Variants in F8 observed in about 807,000 individuals in gnomAD.
F8 encodes the protein antihemophilic factor.
F8 carries 12 observed loss-of-function variants against 140.6 expected under a neutral mutation model. That is an observed-to-expected ratio of 0.09 (90% CI 0.05 to 0.14). F8 has a LOEUF of 0.14. Among genes scored for constraint, F8 ranks in the 10% least tolerant of loss-of-function variants. The probability of loss-of-function intolerance (pLI) is 1.00; values close to 1 mark genes in which losing one functional copy is unlikely to be tolerated. For synonymous variants in F8, 585 were observed against 614.6 expected (o/e 0.95, Z 0.71); for missense variants, 1,354 against 1,720.7 (o/e 0.79, Z 3.77).
chrX:154,987,466 G>A (rs1413880454), intron 4 of F8, among the ~76,000 whole-genome samples, 161 bp from the exon 5 acceptor site: 1 of 112,378 alleles, frequency 8.9e-6, no homozygotes, highest in Non-Finnish European at 1.9e-5. Context: ...TCCTATAGCA[G>A]TGTTTCTAAA....
At chrX:154,945,561 C>T (rs1012886096) in intron 13 of F8, among the ~76,000 whole-genome samples, 1 of 111,717 alleles carries the variant, frequency 9.0e-6, no homozygotes, top group Non-Finnish European at 1.9e-5. Flanking sequence ...CATGAGAAAA[C>T]TCTAAACAAA....
intron 18 of F8, among the ~76,000 whole-genome samples, chrX:154,902,734 A>G (rs1249326424): frequency 8.9e-6 from 1 of 112,000 alleles, no homozygotes; most frequent in Non-Finnish European, 1.9e-5. Flanking sequence ...TGCAGGAGAA[A>G]GAGTCAACAA....
At chrX:154,934,966 C>T (rs1412083341) in intron 13 of F8, among the ~76,000 whole-genome samples, 3 of 110,344 alleles carry the variant, frequency 2.7e-5, no homozygotes, top group Non-Finnish European at 5.7e-5. Context: ...AGTTCAAGAC[C>T]AGCCTGGGCA....
intron 13 of F8, among the ~76,000 whole-genome samples, chrX:154,941,735 ACCTATTC>A (rs200695992): frequency 0.4 from 42,225 of 104,710 alleles, 7,905 homozygotes; most frequent in East Asian, 0.69. Context: ...ACCACACCAC[ACCTATTC>A]CAAAATTGAC....
chrX:155,019,650 C>T (rs1165110978), intron 1 of F8, among the ~76,000 whole-genome samples: 6 of 110,219 alleles, frequency 5.4e-5, no homozygotes, highest in Non-Finnish European at 5.7e-5. Flanking sequence ...AAAAATTTTC[C>T]GGGCATGGTG....
chrX:154,902,159 C>T lies in F8; in HGVS notation c.6007G>A (p.Glu2003Lys), dbSNP rs1293662855. The change falls in exon 19 of 26, where the codon GAG becomes AAG. Residue 2003 changes from glutamate to lysine, a missense_variant. Physicochemically the swap from Glu to Lys is moderately conservative, Grantham distance 56 (BLOSUM62 1). Around this residue, in one of 4 missense-constraint regions of F8, gnomAD observed 316 missense variants for 485.4 expected, o/e 0.65. Coordinates refer to ENST00000360256, the MANE Select transcript of F8 (RefSeq NM_000132.4). ...TTGGATGGTAACATTTCCACTGTCT[C>T]AAAAACACCTTATAAAAACCAACAG... ...ALYNLYPGVFETVEMLPSKAG... is the reference protein window; with the variant it reads ...ALYNLYPGVFKTVEMLPSKAG... 4.8e-5 allele frequency: 57 copies of T among 1,182,780 alleles called. No individual in the cohort carries two copies. In the Admixed American group the frequency reaches 1.2e-3, roughly 26 times the overall value.
intron 4 of F8, 59 bp from the exon 5 acceptor site, chrX:154,987,364 T>A: frequency 1.0e-6 from 1 of 989,317 alleles, no homozygotes; most frequent in South Asian, 2.0e-5. Context: ...TAGGAAATTG[T>A]CACTAGGAGG....
intron 6 of F8, among the ~76,000 whole-genome samples, chrX:154,970,534 C>T (rs1306155544): frequency 9.0e-6 from 1 of 111,571 alleles, no homozygotes; most frequent in Non-Finnish European, 1.9e-5. Flanking sequence ...AGACTTTTAC[C>T]CACAAAGAAA....
intron 1 of F8, among the ~76,000 whole-genome samples, chrX:155,020,999 C>T (rs782378221): frequency 1.8e-5 from 2 of 111,632 alleles, no homozygotes; most frequent in African/African-American, 3.3e-5. Flanking sequence ...AGTAAAAGCA[C>T]CAGTATGTAA....
chrX:154,895,040 C>T (rs1260576155), intron 22 of F8, among the ~76,000 whole-genome samples: 4 of 111,879 alleles, frequency 3.6e-5, no homozygotes, highest in African/African-American at 1.3e-4. Flanking sequence ...TGGCTTGGTA[C>T]ACAGCAATAG....
At chrX:154,983,502 A>G (rs1367905846) in intron 6 of F8, among the ~76,000 whole-genome samples, 1 of 111,271 alleles carries the variant, frequency 9.0e-6, no homozygotes, top group African/African-American at 3.3e-5. Context: ...GGAGGTGATG[A>G]AGGTGCCAGT....
At chrX:154,996,114 C>G (rs1362056980) in intron 3 of F8, among the ~76,000 whole-genome samples, 2 of 112,206 alleles carry the variant, frequency 1.8e-5, no homozygotes, top group Non-Finnish European at 3.8e-5. Flanking sequence ...GTTTCTCCAC[C>G]AATTTTTGGA....
intron 22 of F8, among the ~76,000 whole-genome samples, chrX:154,892,124 T>C (rs2148582182): frequency 9.0e-6 from 1 of 111,651 alleles, no homozygotes; most frequent in African/African-American, 3.3e-5. Flanking sequence ...TACCACAGCA[T>C]AATAGATCTG....
At chrX:154,944,912 C>T (rs929912529) in intron 13 of F8, among the ~76,000 whole-genome samples, 3 of 110,221 alleles carry the variant, frequency 2.7e-5, no homozygotes, top group Non-Finnish European at 1.9e-5. Context: ...AGTAAACGAT[C>T]GCAAGAACAA....
intron 25 of F8, among the ~76,000 whole-genome samples, chrX:154,851,071 G>A (rs782557113): frequency 7.9e-4 from 88 of 112,055 alleles, no homozygotes; most frequent in African/African-American, 2.7e-3. Context: ...CACTCCTTCT[G>A]CCAGCTTCTG....
intron 1 of F8, among the ~76,000 whole-genome samples, chrX:155,000,590 C>A (rs782120081): frequency 1.8e-5 from 2 of 112,130 alleles, no homozygotes; most frequent in South Asian, 7.4e-4. Context: ...AAGGCTCCTG[C>A]CCTGGAAAAA....
chrX:154,959,714 A>G (rs782524415), intron 10 of F8, among the ~76,000 whole-genome samples: 22 of 111,573 alleles, frequency 2.0e-4, no homozygotes, highest in African/African-American at 6.5e-4. Flanking sequence ...AGTAACCACT[A>G]TTTTATCTCT....
intron 10 of F8, among the ~76,000 whole-genome samples, chrX:154,960,690 C>T (rs1213158164): frequency 9.1e-6 from 1 of 109,637 alleles, no homozygotes; most frequent in Non-Finnish European, 1.9e-5. Flanking sequence ...GTGTGGAATA[C>T]CACACTAGAT....
intron 13 of F8, among the ~76,000 whole-genome samples, chrX:154,936,348 T>C (rs1307682890): frequency 9.0e-6 from 1 of 111,195 alleles, no homozygotes; most frequent in Non-Finnish European, 1.9e-5. Context: ...AAAGACACAC[T>C]GTAAATATAA....
Sources: gnomAD v4.1 joint callset for allele counts (sites outside exome capture counted in the v4.1 genomes callset) on GRCh38, gnomAD v4.1.1 for gene constraint, gnomAD v4.1.1 regional missense constraint, MANE v1.5 for transcripts, NCBI Gene and HGNC (gene_info 2026-07-23, HGNC 2026-07-21) for gene names.